DIP2C: variants seen among roughly 807,000 people sequenced by gnomAD.
The protein encoded by DIP2C is DIP2 acetate--CoA ligase C (putative).
Under a neutral mutation model 192.4 loss-of-function variants are expected in DIP2C, and 33 were observed. That is an observed-to-expected ratio of 0.17 (90% CI 0.13 to 0.23). DIP2C has a LOEUF of 0.23. Among genes scored for constraint, DIP2C ranks in the 10% least tolerant of loss-of-function variants. The probability of loss-of-function intolerance (pLI) is 1.00; values close to 1 mark genes in which losing one functional copy is unlikely to be tolerated. For missense variants in DIP2C, 1,537 were observed against 2,110.1 expected, an observed-to-expected ratio of 0.73 and a Z score of 5.32; for synonymous variants, 979 against 864.1, an observed-to-expected ratio of 1.13 and a Z score of -2.33.
intron 3 of DIP2C, among the ~76,000 whole-genome samples, chr10:470,260 TTGTG>T: frequency 6.6e-6 from 1 of 151,912 alleles, no homozygotes; most frequent in Non-Finnish European, 1.5e-5. Flanking sequence ...ACGGGAGAGA[TTGTG>T]TGTGAAGAGG....
intron 1 of DIP2C, among the ~76,000 whole-genome samples, chr10:579,184 A>G (rs984550607): frequency 2.7e-4 from 41 of 152,152 alleles, no homozygotes; most frequent in African/African-American, 8.7e-4. Flanking sequence ...TAAGTGCACT[A>G]TAACATGTAC....
rs138724204 is a variant in DIP2C, at chr10:384,604, C to A, written c.1698G>T (p.Pro566=). 1.2e-6 allele frequency: 2 copies of A among 1,613,984 alleles called. No individual in the cohort carries two copies. The highest frequency in any genetic ancestry group is 8.5e-7 in the Non-Finnish European group (1 of 1,180,018). The change falls in exon 15 of 37, where the codon CCG becomes CCT. Residue 566 remains proline (P), a synonymous_variant. Transcript: ENST00000280886. ...GAGGGTTCACCTTCATCAGCGAGTA[C>A]GGGATGCTGATCACATGCATCATGT... ...VMNMMHVISI[P]YSLMKVNPLS... is the part of the protein sequence containing the mutation.
intron 2 of DIP2C, among the ~76,000 whole-genome samples, chr10:478,966 A>T (rs576986446): frequency 6.6e-6 from 1 of 152,254 alleles, no homozygotes; most frequent in East Asian, 1.9e-4. Context: ...CCCAGCACCC[A>T]GGGGCAAGCG....
chr10:573,353 G>A (rs1486398078), intron 1 of DIP2C, among the ~76,000 whole-genome samples: 1 of 152,276 alleles, frequency 6.6e-6, no homozygotes, highest in East Asian at 1.9e-4. Context: ...AAACATAACT[G>A]GATTTATTCT....
chr10:305,442 A>T (rs1259699530), intron 32 of DIP2C, among the ~76,000 whole-genome samples: 1 of 152,054 alleles, frequency 6.6e-6, no homozygotes, highest in African/African-American at 2.4e-5. Flanking sequence ...AAGTTTACTG[A>T]TGTACTTCTA....
At chr10:609,050 A>G (rs1334228019) in intron 1 of DIP2C, among the ~76,000 whole-genome samples, 1 of 152,170 alleles carries the variant, frequency 6.6e-6, no homozygotes, top group Non-Finnish European at 1.5e-5. Flanking sequence ...CAGTATAGTC[A>G]TATAAACAAA....
intron 1 of DIP2C, among the ~76,000 whole-genome samples, chr10:659,352 T>A (rs1192641423): frequency 6.6e-6 from 1 of 152,226 alleles, no homozygotes; most frequent in Admixed American, 6.5e-5. Flanking sequence ...CACATATACA[T>A]GCAATACACA....
At chr10:294,780 C>T (rs1237315112) in intron 32 of DIP2C, among the ~76,000 whole-genome samples, 3 of 151,722 alleles carry the variant, frequency 2.0e-5, no homozygotes, top group African/African-American at 7.3e-5. Flanking sequence ...TGAATAAGAC[C>T]TCAAAAGCAC....
intron 1 of DIP2C, among the ~76,000 whole-genome samples, chr10:503,804 C>T (rs1845409849): frequency 1.3e-5 from 2 of 152,300 alleles, no homozygotes; most frequent in South Asian, 2.1e-4. Flanking sequence ...TCCTTTGTCC[C>T]CTATGGTTTT....
At chr10:623,460 G>A (rs546539848) in intron 1 of DIP2C, among the ~76,000 whole-genome samples, 4 of 147,566 alleles carry the variant, frequency 2.7e-5, no homozygotes, top group African/African-American at 5.0e-5. Context: ...GTGGGGCTGA[G>A]GGGAGGAGGG....
chr10:646,955 T>C (rs1855484568), intron 1 of DIP2C, among the ~76,000 whole-genome samples: 1 of 152,268 alleles, frequency 6.6e-6, no homozygotes, highest in Non-Finnish European at 1.5e-5. Context: ...AAAACAATGT[T>C]TCTTCCTTTC....
At chr10:304,769 ACT>A (rs1182253330) in intron 32 of DIP2C, among the ~76,000 whole-genome samples, 1 of 151,686 alleles carries the variant, frequency 6.6e-6, no homozygotes, top group Non-Finnish European at 1.5e-5. Flanking sequence ...AGTACACTAC[ACT>A]CACACATGCA....
intron 3 of DIP2C, among the ~76,000 whole-genome samples, chr10:455,436 G>GT (rs1969222422): frequency 9.6e-6 from 1 of 103,854 alleles, no homozygotes; most frequent in Admixed American, 9.1e-5. Context: ...TGCCTGAGGG[G>GT]AGACCGTGAG....
intron 31 of DIP2C, among the ~76,000 whole-genome samples, chr10:318,258 C>T (rs1345560272): frequency 6.6e-6 from 1 of 152,166 alleles, no homozygotes; most frequent in East Asian, 1.9e-4. Flanking sequence ...AATACAGAGC[C>T]CTTGTGGCTC....
chr10:660,120 T>A (rs2132073488), intron 1 of DIP2C, among the ~76,000 whole-genome samples: 1 of 152,326 alleles, frequency 6.6e-6, no homozygotes, highest in East Asian at 1.9e-4. Context: ...AAACAGAGAT[T>A]CTAGCCCTTG....
chr10:440,195 A>G (rs1967615991), intron 4 of DIP2C, among the ~76,000 whole-genome samples: 1 of 152,238 alleles, frequency 6.6e-6, no homozygotes, highest in South Asian at 2.1e-4. Flanking sequence ...GCAGTATTAC[A>G]TAACACAAAT....
At chr10:533,525 CAGTGTGTTCAGG>C (rs1339993561) in intron 1 of DIP2C, among the ~76,000 whole-genome samples, 1 of 151,808 alleles carries the variant, frequency 6.6e-6, no homozygotes, top group Non-Finnish European at 1.5e-5. Flanking sequence ...TTTAGAGTGC[CAGTGTGTTCAGG>C]AGTGTGAAGG....
chr10:348,323 C>T (rs1384585782), intron 26 of DIP2C, among the ~76,000 whole-genome samples: 1 of 152,226 alleles, frequency 6.6e-6, no homozygotes, highest in Admixed American at 6.5e-5. Flanking sequence ...TGCCTCTTCC[C>T]GTGGTCGGTC....
chr10:563,197 G>A (rs1849305336), intron 1 of DIP2C, among the ~76,000 whole-genome samples: 1 of 152,238 alleles, frequency 6.6e-6, no homozygotes, highest in South Asian at 2.1e-4. Flanking sequence ...CTGTTCCACA[G>A]TGCCCTGCAG....
Sources: gnomAD v4.1 joint callset for allele counts (sites outside exome capture counted in the v4.1 genomes callset) on GRCh38, gnomAD v4.1.1 for gene constraint, MANE v1.5 for transcripts, NCBI Gene and HGNC (gene_info 2026-07-23, HGNC 2026-07-21) for gene names.